The following USH2A variants were observed in gnomAD, a reference collection of about 807,000 sequenced individuals.
The protein encoded by USH2A is Usher syndrome 2A (autosomal recessive, mild).
In USH2A, 443 loss-of-function variants were observed where a neutral mutation model predicts 538.9. That is an observed-to-expected ratio of 0.82 (90% CI 0.76 to 0.89). The LOEUF (loss-of-function observed/expected upper bound fraction) is 0.89, where lower values mean the gene tolerates loss of function less well. Ranked by LOEUF, USH2A falls within the 40% of genes least tolerant of loss-of-function variation. The pLI, the probability that USH2A is intolerant of heterozygous loss-of-function variation, is 0.00. For synonymous variants in USH2A, 2,413 were observed against 2,273.5 expected (o/e 1.06, Z -1.75); for missense variants, 6,633 against 6,324.8 (o/e 1.05, Z -1.65).
intron 11 of USH2A, among the ~76,000 whole-genome samples, chr1:216,259,542 A>C (rs139829216): frequency 1.7e-4 from 26 of 152,248 alleles, no homozygotes; most frequent in African/African-American, 5.3e-4. Flanking sequence ...TATTGTACAC[A>C]TTCTGCTTTC....
At chr1:216,015,764 G>C (rs1668693969) in intron 32 of USH2A, among the ~76,000 whole-genome samples, 1 of 152,094 alleles carries the variant, frequency 6.6e-6, no homozygotes, top group African/African-American at 2.4e-5. Context: ...TTCTCTGATG[G>C]CCAGTGATGA....
At chr1:216,273,714 T>C (rs1206071592) in intron 11 of USH2A, among the ~76,000 whole-genome samples, 2 of 151,218 alleles carry the variant, frequency 1.3e-5, no homozygotes, top group Non-Finnish European at 2.9e-5. Context: ...TTATCAAATA[T>C]AGGAGTTATA....
At chr1:216,311,303 T>G (rs187723367) in intron 9 of USH2A, among the ~76,000 whole-genome samples, 217 of 152,302 alleles carry the variant, frequency 1.4e-3, no homozygotes, top group Non-Finnish European at 2.5e-3. Flanking sequence ...TAACCCAGAA[T>G]GGCTGGGGAA....
At chr1:216,318,729 A>C (rs2037552028) in intron 9 of USH2A, among the ~76,000 whole-genome samples, 1 of 146,900 alleles carries the variant, frequency 6.8e-6, no homozygotes, top group Admixed American at 6.7e-5. Context: ...AAAGGTACTT[A>C]AGGTCTAAAT....
intron 38 of USH2A, among the ~76,000 whole-genome samples, chr1:215,919,199 A>G (rs1666035171): frequency 6.6e-6 from 1 of 152,064 alleles, no homozygotes; most frequent in Admixed American, 6.6e-5. Flanking sequence ...TTTAATTCTA[A>G]TACTTCCTAT....
At chr1:215,987,575 C>T (rs1171999009) in intron 35 of USH2A, among the ~76,000 whole-genome samples, 1 of 152,122 alleles carries the variant, frequency 6.6e-6, no homozygotes, top group East Asian at 1.9e-4. Context: ...TAGAATTAAG[C>T]AGGACATATT....
intron 58 of USH2A, among the ~76,000 whole-genome samples, chr1:215,745,500 T>C (rs34420029): frequency 0.26 from 39,422 of 152,090 alleles, 6,208 homozygotes; most frequent in Non-Finnish European, 0.35. Flanking sequence ...GTCAACCGTA[T>C]AAATTAGGAC....
intron 21 of USH2A, among the ~76,000 whole-genome samples, chr1:216,104,121 GT>G (rs2032663671): frequency 1.3e-5 from 2 of 151,770 alleles, no homozygotes; most frequent in East Asian, 3.9e-4. Context: ...CAACGTGCAG[GT>G]TTGTTACATA....
At chr1:216,402,732 A>G (rs904820047) in intron 3 of USH2A, among the ~76,000 whole-genome samples, 3 of 152,168 alleles carry the variant, frequency 2.0e-5, no homozygotes, top group Admixed American at 1.3e-4. Flanking sequence ...ACAGTAGGCT[A>G]TTAGTAGTTA....
rs1477431730 is a variant in USH2A, at chr1:215,758,665, T to C, written c.11319A>G (p.Glu3773=). 1.9e-6 allele frequency: 3 copies of C among 1,613,988 alleles called. No homozygotes were observed. Among genetic ancestry groups the C allele is most frequent in the Non-Finnish European group, 2.5e-6 (3 of 1,179,892 alleles). The change falls in exon 58 of 72, where the codon GAA becomes GAG. Residue 3773 remains glutamate (E), a synonymous_variant. Coordinates refer to ENST00000307340, the MANE Select transcript of USH2A (RefSeq NM_206933.4). ...YIVQTPMSTP[E]EIYPPYNITV... is the part of the protein sequence containing the mutation. ...TGATATTATATGGAGGATAGATTTC[T>C]TCTGGTGTTGACATAGGTGTTTGAA...
chr1:216,333,351 T>A (rs1463930099), intron 4 of USH2A, among the ~76,000 whole-genome samples: 2 of 151,898 alleles, frequency 1.3e-5, no homozygotes, highest in African/African-American at 2.4e-5. Context: ...CACTAGCAGA[T>A]CTAAATGATC....
At chr1:215,839,076 A>G (rs1415472705) in intron 46 of USH2A, among the ~76,000 whole-genome samples, 2 of 152,182 alleles carry the variant, frequency 1.3e-5, no homozygotes, top group African/African-American at 2.4e-5. Context: ...TAGTTGAGGC[A>G]TATGTTCATA....
chr1:216,351,379 T>C (rs2038284889), intron 4 of USH2A, among the ~76,000 whole-genome samples: 3 of 152,150 alleles, frequency 2.0e-5, no homozygotes, highest in Non-Finnish European at 4.4e-5. Context: ...GTCAGCCTGA[T>C]GGATATCAGG....
At chr1:215,874,715 T>G (rs1018421705) in intron 43 of USH2A, among the ~76,000 whole-genome samples, 1 of 152,196 alleles carries the variant, frequency 6.6e-6, no homozygotes, top group Admixed American at 6.5e-5. Flanking sequence ...AAAAGCTGAT[T>G]CTAAATGTAA....
intron 30 of USH2A, among the ~76,000 whole-genome samples, chr1:216,052,476 T>G (rs2030824147): frequency 6.6e-6 from 1 of 152,072 alleles, no homozygotes; most frequent in African/African-American, 2.4e-5. Flanking sequence ...TCAAAAAATG[T>G]GCTGCATTTT....
rs936741879 is a variant in USH2A at position 216,010,926 on chromosome 1, C to T, written c.6326-10364G>A. On this transcript the variant is annotated intron_variant, in intron 32 of 71. Coordinates refer to ENST00000307340, the MANE Select transcript of USH2A (RefSeq NM_206933.4). ...GATACCTCTACTCCCTCCTTGGCGACGGATCATGCGCCCCTTAACATCTCA... is the reference window on the plus strand; with the variant it reads ...GATACCTCTACTCCCTCCTTGGCGATGGATCATGCGCCCCTTAACATCTCA... Among the ~76,000 whole-genome samples the T allele has an allele frequency of 1.7e-4, 26 of 152,074 alleles. 1 individual carries two copies. Among genetic ancestry groups the T allele is most frequent in the Admixed American group, 1.2e-3 (19 of 15,264 alleles).
chr1:216,194,347 T>A (rs1223999967), intron 19 of USH2A: 1 of 152,016 alleles, frequency 6.6e-6, no homozygotes, highest in African/African-American at 2.4e-5. Context: ...GAATTAGTAA[T>A]TACAAGGACT....
chr1:215,767,448 C>A (rs924443674), intron 55 of USH2A, among the ~76,000 whole-genome samples: 5 of 152,160 alleles, frequency 3.3e-5, no homozygotes, highest in African/African-American at 1.2e-4. Context: ...TGTTTTTAAA[C>A]CTTGCACTGT....
At chr1:215,800,882 C>T (rs573477451) in intron 49 of USH2A, among the ~76,000 whole-genome samples, 2 of 152,108 alleles carry the variant, frequency 1.3e-5, no homozygotes, top group African/African-American at 4.8e-5. Flanking sequence ...AAATCTTCAA[C>T]AAAATACTAG....
Sources: gnomAD v4.1 joint callset for allele counts (sites outside exome capture counted in the v4.1 genomes callset) on GRCh38, gnomAD v4.1.1 for gene constraint, MANE v1.5 for transcripts, NCBI Gene and HGNC (gene_info 2026-07-23, HGNC 2026-07-21) for gene names.